Variants in TOM1L2 observed in about 807,000 individuals in gnomAD.
TOM1L2 encodes the protein target of myb1 like 2 membrane trafficking protein, also known as TOM1-like protein 2.
In TOM1L2, 31 loss-of-function variants were observed where a neutral mutation model predicts 67.9. The ratio of observed to expected loss-of-function variants is 0.46; its 90% CI spans 0.34 to 0.62. The LOEUF (loss-of-function observed/expected upper bound fraction) is 0.62, where lower values mean the gene tolerates loss of function less well. Among genes scored for constraint, TOM1L2 ranks in the 20% least tolerant of loss-of-function variants. The pLI is 0.01. For missense variants in TOM1L2, 606 were observed against 663.5 expected, an observed-to-expected ratio of 0.91 and a Z score of 0.95; for synonymous variants, 256 against 254.0, an observed-to-expected ratio of 1.01 and a Z score of -0.07.
In TOM1L2 at chr17:17,929,729, T is replaced by C. The variant is rs1457440477; in HGVS notation, c.53-22198A>G. 2.6e-5 allele frequency among the ~76,000 whole-genome samples: 4 copies of C among 152,338 alleles called. No individual in the cohort carries two copies. The East Asian group carries it at 7.7e-4, about 29-fold the overall frequency. Reference sequence around the variant, plus strand: ...GATAAGATGTTAAAGGAAGAATACATTCCCTTTGAAAATCTGATAAGACCT... The same window carrying C: ...GATAAGATGTTAAAGGAAGAATACACTCCCTTTGAAAATCTGATAAGACCT... On this transcript the variant is annotated intron_variant, in intron 1 of 14. Coordinates refer to ENST00000379504, the MANE Select transcript of TOM1L2 (RefSeq NM_001082968.2).
intron 1 of TOM1L2, 50 bp from the exon 2 acceptor site, chr17:17,907,581 G>T (rs202176189): frequency 6.4e-7 from 1 of 1,559,658 alleles, no homozygotes; most frequent in Non-Finnish European, 8.8e-7. Context: ...GAATAAGTGG[G>T]CCTTGGCAGG....
rs2041878841 is a variant in TOM1L2, at chr17:17,966,585, T to TC, written c.52+5676dup. On this transcript the variant is annotated intron_variant, in intron 1 of 14. Coordinates refer to ENST00000379504, the MANE Select transcript of TOM1L2 (RefSeq NM_001082968.2). ...ACTTTTAACAAGCCCTCCAGGTGATTCCCTTGCGGCTGAATCATGAGCTCA... is the reference window on the plus strand; with the variant it reads ...ACTTTTAACAAGCCCTCCAGGTGATTCCCCTTGCGGCTGAATCATGAGCTCA... Among the ~76,000 whole-genome samples, 3 of 152,244 alleles carry TC rather than the reference T, an allele frequency of 2.0e-5. No individual in the cohort carries two copies. The South Asian group carries it at 6.2e-4, about 32-fold the overall frequency.
At chr17:17,959,011 CAG>C in intron 1 of TOM1L2, among the ~76,000 whole-genome samples, 1 of 152,216 alleles carries the variant, frequency 6.6e-6, no homozygotes, top group South Asian at 2.1e-4. Flanking sequence ...GAGGCTGGCA[CAG>C]AAGTTCTCTG....
Position 17,846,261 on chromosome 17 carries a change from G to A in TOM1L2, c.*1374C>T, listed in dbSNP as rs2035639872. Reference sequence around the variant, plus strand: ...GCTGACCTAGGCAGTGCATGCTGGAGGGGACAGGAGCAGACTGACCCAGCG... The same window carrying A: ...GCTGACCTAGGCAGTGCATGCTGGAAGGGACAGGAGCAGACTGACCCAGCG... On this transcript the variant is annotated 3_prime_UTR_variant, in exon 15 of 15. Coordinates refer to ENST00000379504, the MANE Select transcript of TOM1L2 (RefSeq NM_001082968.2). 1 of 152,470 alleles carries A rather than the reference G, an allele frequency of 6.6e-6. No individual in the cohort carries two copies. The highest frequency in any genetic ancestry group is 6.5e-5 in the Admixed American group (1 of 15,292). 9.4% of individuals were successfully genotyped at this position (152,470 alleles called of 1,614,324 possible). A position where few individuals can be genotyped will look rare whatever the true frequency, so the allele number is the denominator to read the frequency against.
At chr17:17,962,592 G>C (rs2041728529) in intron 1 of TOM1L2, among the ~76,000 whole-genome samples, 1 of 152,012 alleles carries the variant, frequency 6.6e-6, no homozygotes, top group African/African-American at 2.4e-5. Flanking sequence ...AGGATTAAAG[G>C]CATGAGCCAC....
intron 1 of TOM1L2, among the ~76,000 whole-genome samples, chr17:17,910,085 A>T (rs1189322496): frequency 6.6e-6 from 1 of 152,246 alleles, no homozygotes; most frequent in Non-Finnish European, 1.5e-5. Context: ...TGTGTATTTT[A>T]AAAACCACCA....
Position 17,909,311 on chromosome 17 carries a change from G to A in TOM1L2, c.53-1780C>T, listed in dbSNP as rs541685095. Among the ~76,000 whole-genome samples the A allele has an allele frequency of 7.9e-5, 12 of 152,238 alleles. 1 individual carries two copies. In the South Asian group the frequency reaches 2.5e-3, roughly 32 times the overall value. The stretch of plus-strand genomic sequence containing the variant: ...AGATATTTGCAGAGTCATGTTCATA[G>A]CAGCAATAGTCACAAGAGCCAAAAG... On this transcript the variant is annotated intron_variant, in intron 1 of 14. Transcript: ENST00000379504.
intron 1 of TOM1L2, among the ~76,000 whole-genome samples, chr17:17,968,664 C>CAAA (rs11298542): frequency 1.7e-5 from 2 of 115,922 alleles, no homozygotes; most frequent in East Asian, 2.4e-4. Context: ...GACTCCATCT[C>CAAA]AAAAAAAAAA....
At chr17:17,934,592 G>C (rs1368295095) in intron 1 of TOM1L2, among the ~76,000 whole-genome samples, 2 of 151,988 alleles carry the variant, frequency 1.3e-5, no homozygotes, top group African/African-American at 4.8e-5. Flanking sequence ...TTTTGTTTAG[G>C]GGGATAATTT....
At position 17,884,765 on chromosome 17, in the gene TOM1L2, A is replaced by G; in HGVS notation, c.370T>C (p.Trp124Arg). ...GGACTGCTTCGAAAGGCATCAGCCC[A>G]TGCCTGGGATAATAGAAGGCCTGTT... ...QDKVLALIQA[W>R]ADAFRSSPDL... The change falls in exon 5 of 15, where the codon TGG (tryptophan) becomes CGG (arginine). Residue 124 changes from tryptophan (W) to arginine (R), a missense_variant. Physicochemically the swap from Trp to Arg is moderately radical, Grantham distance 101. Coordinates refer to ENST00000379504, the MANE Select transcript of TOM1L2 (RefSeq NM_001082968.2). 1 of 1,613,340 alleles carries G rather than the reference A, an allele frequency of 6.2e-7. No individual in the cohort carries two copies. The highest frequency in any genetic ancestry group is 8.5e-7 in the Non-Finnish European group (1 of 1,180,026).
intron 1 of TOM1L2, among the ~76,000 whole-genome samples, chr17:17,921,282 G>A (rs1300812369): frequency 6.6e-6 from 1 of 152,176 alleles, no homozygotes; most frequent in African/African-American, 2.4e-5. Context: ...CTTCAGGCCA[G>A]CCAAACAACA....
intron 1 of TOM1L2, among the ~76,000 whole-genome samples, chr17:17,941,899 G>A (rs982674929): frequency 1.3e-5 from 2 of 152,200 alleles, no homozygotes; most frequent in African/African-American, 4.8e-5. Flanking sequence ...GAAGGTGGAA[G>A]GATCCCTTGA....
chr17:17,896,837 G>GATAT (rs2038598819), intron 3 of TOM1L2, among the ~76,000 whole-genome samples: 1 of 152,250 alleles, frequency 6.6e-6, no homozygotes, highest in Admixed American at 6.5e-5. Flanking sequence ...GGTGGGTACA[G>GATAT]ATATGAAGTC....
intron 1 of TOM1L2, among the ~76,000 whole-genome samples, chr17:17,957,950 C>T (rs1042024497): frequency 5.9e-5 from 9 of 151,808 alleles, no homozygotes; most frequent in Admixed American, 1.3e-4. Flanking sequence ...ATTAGCCGGG[C>T]GTGGTGGTGG....
intron 1 of TOM1L2, among the ~76,000 whole-genome samples, chr17:17,929,410 T>C (rs1450891415): frequency 6.6e-6 from 1 of 152,104 alleles, no homozygotes; most frequent in Non-Finnish European, 1.5e-5. Flanking sequence ...GGCAGGTGGA[T>C]CACCTGAGAT....
chr17:17,866,553 T>C, intron 9 of TOM1L2, 134 bp from the exon 10 acceptor site: 2 of 1,180,730 alleles, frequency 1.7e-6, no homozygotes, highest in Non-Finnish European at 2.3e-6. Context: ...GCAAGGCCAC[T>C]TCCCCCACCT....
At position 17,866,909 on chromosome 17, in the gene TOM1L2, C is replaced by A. The variant is rs930707964; in HGVS notation, c.927G>T (p.Arg309Ser). Residue 309 changes from arginine (R) to serine (S), a missense_variant, in exon 9 of 15, where the codon AGG (arginine) becomes AGT (serine). By Grantham distance (110) the Arg-to-Ser change is moderately radical. This residue lies in a region of TOM1L2 where 543 missense variants were observed against 554.0 expected (regional missense o/e 0.98). Coordinates refer to ENST00000379504, the MANE Select transcript of TOM1L2 (RefSeq NM_001082968.2). ...FLRYERFERY[R>S]SGRSVQNASN... is the part of the protein sequence containing the mutation. The stretch of plus-strand genomic sequence containing the variant: ...TGGCATTTTGAACGGATCGGCCAGA[C>A]CTGTATCGTTCGAACCTAACAGGGG... 1.9e-6 allele frequency: 3 copies of A among 1,613,886 alleles called. No individual in the cohort carries two copies. Among genetic ancestry groups the A allele is most frequent in the African/African-American group, 2.7e-5 (2 of 74,870 alleles).
At chr17:17,869,530 A>T in intron 7 of TOM1L2, 57 bp from the exon 8 acceptor site, 1 of 1,536,966 alleles carries the variant, frequency 6.5e-7, no homozygotes, top group Non-Finnish European at 8.7e-7. Context: ...GTCACATTCT[A>T]TCTCCTTTGA....
chr17:17,956,379 C>T (rs745559062), intron 1 of TOM1L2, among the ~76,000 whole-genome samples: 5 of 152,208 alleles, frequency 3.3e-5, no homozygotes, highest in African/African-American at 4.8e-5. Context: ...AATCCCTTAG[C>T]TAGACATAAA....
Sources: allele counts gnomAD v4.1 joint callset (sites outside exome capture counted in the v4.1 genomes callset), GRCh38; gene constraint gnomAD v4.1.1; regional missense constraint gnomAD v4.1.1; transcripts MANE v1.5; gene names NCBI Gene and HGNC (gene_info 2026-07-23, HGNC 2026-07-21).